The following MRTFA variants were observed in gnomAD, a reference collection of about 807,000 sequenced individuals.
The protein encoded by MRTFA is myocardin related transcription factor A.
Under a neutral mutation model 83.5 loss-of-function variants are expected in MRTFA, and 20 were observed. The observed-to-expected ratio is 0.24, with a 90% CI of 0.17 to 0.35. The LOEUF is 0.35. MRTFA is among the 10% of genes least tolerant of loss of function. The pLI, the probability that MRTFA is intolerant of heterozygous loss-of-function variation, is 1.00. For synonymous variants in MRTFA, 659 were observed against 541.2 expected (o/e 1.22, Z -3.02); for missense variants, 1,200 against 1,224.7 (o/e 0.98, Z 0.30).
In MRTFA at chr22:40,410,380, G is replaced by GAGTC. The variant is rs975932897; in HGVS notation, c.*1006_*1009dup. The GAGTC allele has an allele frequency of 4.1e-6, 1 of 242,378 alleles. No individual in the cohort carries two copies. Among genetic ancestry groups the GAGTC allele is most frequent in the Non-Finnish European group, 7.9e-6 (1 of 126,388 alleles). The allele number at this position is 242,378 out of a possible 1,614,324, so 15.0% of individuals were successfully genotyped here. ...GGTGACTCCACCCCTACTCCCCTATGAGTCAGCCCAGAATGTGAAGCCAGT... is the reference window on the plus strand; with the variant it reads ...GGTGACTCCACCCCTACTCCCCTATGAGTCAGTCAGCCCAGAATGTGAAGCCAGT... On this transcript the variant is annotated 3_prime_UTR_variant, in exon 15 of 15. Transcript: ENST00000355630.
intron 9 of MRTFA, among the ~76,000 whole-genome samples, chr22:40,422,577 C>T (rs894612177): frequency 6.6e-6 from 1 of 152,184 alleles, no homozygotes. Context: ...GCTCCCAAGG[C>T]CTGAAAGAGG....
chr22:40,540,796 A>AC (rs397813993), intron 3 of MRTFA, among the ~76,000 whole-genome samples: 1 of 148,792 alleles, frequency 6.7e-6, no homozygotes, highest in Non-Finnish European at 1.5e-5. Context: ...AAAAAAAAAA[A>AC]CCAAAAACAT....
At chr22:40,417,664 T>A in intron 12 of MRTFA, 171 bp from the exon 13 acceptor site, 7 of 415,514 alleles carry the variant, frequency 1.7e-5, no homozygotes, top group Admixed American at 3.7e-5. Flanking sequence ...TAGGAAGGAA[T>A]ACAGGATGGG....
At chr22:40,570,073 G>T (rs1021206457) in intron 2 of MRTFA, among the ~76,000 whole-genome samples, 1 of 152,098 alleles carries the variant, frequency 6.6e-6, no homozygotes, top group African/African-American at 2.4e-5. Context: ...ACCTCACTTA[G>T]ATCATTGTGA....
At position 40,411,644 on chromosome 22, in the gene MRTFA, G is replaced by C. The variant is rs752599340; in HGVS notation, c.2842C>G (p.Leu948Val). The change falls in exon 15 of 15, where the codon CTG becomes GTG. Residue 948 changes from leucine to valine, a missense_variant. Leu to Val is a conservative substitution (Grantham distance 32, BLOSUM62 1). Coordinates refer to ENST00000355630, the MANE Select transcript of MRTFA (RefSeq NM_020831.6). The stretch of plus-strand genomic sequence containing the variant: ...TGGTCCAGGATGGCAGTGCTGCTCA[G>C]CATCTGGCTATGGAGGTCGTCAATG... 1.2e-6 allele frequency: 2 copies of C among 1,613,274 alleles called. No individual in the cohort carries two copies. The highest frequency in any genetic ancestry group is 2.2e-5 in the East Asian group (1 of 44,884).
intron 3 of MRTFA, among the ~76,000 whole-genome samples, chr22:40,536,448 CG>C (rs1404434995): frequency 6.8e-6 from 1 of 147,710 alleles, no homozygotes; most frequent in Non-Finnish European, 1.5e-5. Context: ...ACGGGCCCCG[CG>C]GGGCCCGAGG....
rs1489710058 is a variant in MRTFA at position 40,459,860 on chromosome 22, T to TAC, written c.307+3360_307+3361insGT. Reference sequence around the variant, plus strand: ...ATATATATATATATATATATATATATATACACACATGAATGATACTTTCTC... The same window carrying TAC: ...ATATATATATATATATATATATATATACATACACACATGAATGATACTTTCTC... On this transcript the variant is annotated intron_variant, in intron 4 of 14. Coordinates refer to ENST00000355630, the MANE Select transcript of MRTFA (RefSeq NM_020831.6). Among the ~76,000 whole-genome samples, 38 of 130,508 alleles carry TAC rather than the reference T, an allele frequency of 2.9e-4. 2 individuals carry two copies. Among genetic ancestry groups the TAC allele is most frequent in the African/African-American group, 1.0e-3 (34 of 33,342 alleles). The allele number at this position is 130,508 out of a possible 152,430, so 85.6% of individuals were successfully genotyped here.
chr22:40,497,707 C>T (rs1422591231), intron 3 of MRTFA, among the ~76,000 whole-genome samples: 3 of 151,636 alleles, frequency 2.0e-5, no homozygotes, highest in African/African-American at 4.8e-5. Flanking sequence ...GAGCTGAGAT[C>T]GCACCACTGC....
At chr22:40,630,477 A>G (rs1322092256) in intron 1 of MRTFA, among the ~76,000 whole-genome samples, 1 of 152,180 alleles carries the variant, frequency 6.6e-6, no homozygotes, top group Admixed American at 6.5e-5. Context: ...GTACAAAATC[A>G]GAGATTTCAG....
intron 1 of MRTFA, among the ~76,000 whole-genome samples, chr22:40,630,066 G>A (rs1311152403): frequency 1.3e-5 from 2 of 151,592 alleles, no homozygotes; most frequent in East Asian, 2.0e-4. Context: ...TCATCCTAGC[G>A]CTTTGGGAGG....
intron 4 of MRTFA, among the ~76,000 whole-genome samples, chr22:40,439,622 C>A (rs940031848): frequency 6.6e-6 from 1 of 151,506 alleles, no homozygotes; most frequent in Non-Finnish European, 1.5e-5. Context: ...TGAGTCCAGG[C>A]AACATACAAG....
intron 4 of MRTFA, among the ~76,000 whole-genome samples, chr22:40,438,596 G>T (rs1477108491): frequency 6.6e-6 from 1 of 152,202 alleles, no homozygotes; most frequent in Non-Finnish European, 1.5e-5. Flanking sequence ...CCCCTCATCT[G>T]CAGTTTCGCT....
At chr22:40,511,330 T>C (rs1295314465) in intron 3 of MRTFA, among the ~76,000 whole-genome samples, 3 of 152,200 alleles carry the variant, frequency 2.0e-5, no homozygotes, top group Non-Finnish European at 4.4e-5. Flanking sequence ...CAACTGGCAC[T>C]ATAAATTAGG....
intron 2 of MRTFA, among the ~76,000 whole-genome samples, chr22:40,582,155 T>C (rs995649536): frequency 6.6e-6 from 1 of 152,240 alleles, no homozygotes; most frequent in Admixed American, 6.5e-5. Context: ...TTCACATAAA[T>C]GGGATCATAC....
intron 3 of MRTFA, among the ~76,000 whole-genome samples, chr22:40,494,500 T>C (rs1023064195): frequency 3.9e-5 from 6 of 152,014 alleles, no homozygotes; most frequent in Non-Finnish European, 8.8e-5. Flanking sequence ...GGCAATATAG[T>C]GAGACCTCTT....
rs2056706615 is a variant in MRTFA at position 40,636,697 on chromosome 22, T to A, written c.-303A>T. 6.6e-6 allele frequency: 1 copy of A among 152,330 alleles called. No homozygotes were observed. Among genetic ancestry groups the A allele is most frequent in the Non-Finnish European group, 1.5e-5 (1 of 68,200 alleles). The allele number at this position is 152,330 out of a possible 1,614,324, so 9.4% of individuals were successfully genotyped here. ...CAGACACTGCCGCCGCCGGCTCCTC[T>A]CAGCCACGGAAGCTGCGGGCCCGCC... On this transcript the variant is annotated 5_prime_UTR_variant, in exon 1 of 15. Coordinates refer to ENST00000355630, the MANE Select transcript of MRTFA (RefSeq NM_020831.6).
intron 14 of MRTFA, 125 bp from the exon 15 acceptor site, chr22:40,412,032 C>G (rs780473091): frequency 8.9e-6 from 7 of 784,494 alleles, no homozygotes; most frequent in African/African-American, 1.8e-5. Flanking sequence ...CAAAGACTTA[C>G]TTAAATGTAA....
intron 3 of MRTFA, among the ~76,000 whole-genome samples, chr22:40,487,883 G>A (rs1304980422): frequency 6.6e-6 from 1 of 152,016 alleles, no homozygotes; most frequent in African/African-American, 2.4e-5. Flanking sequence ...GTAACAATCA[G>A]CAATCTCAGT....
intron 3 of MRTFA, among the ~76,000 whole-genome samples, chr22:40,502,049 T>A: frequency 7.8e-6 from 1 of 127,454 alleles, no homozygotes; most frequent in African/African-American, 3.1e-5. Flanking sequence ...CCCACCTCCC[T>A]CCCGGACGGG....
Sources: gnomAD v4.1 joint callset for allele counts (sites outside exome capture counted in the v4.1 genomes callset) on GRCh38, gnomAD v4.1.1 for gene constraint, MANE v1.5 for transcripts, NCBI Gene and HGNC (gene_info 2026-07-23, HGNC 2026-07-21) for gene names.